Variants in TWIST2 observed in about 807,000 individuals in gnomAD.
TWIST2 encodes twist family bHLH transcription factor 2.
TWIST2 carries 1 observed loss-of-function variant against 11.6 expected under a neutral mutation model. The observed-to-expected ratio is 0.09, with a 90% confidence interval of 0.03 to 0.41. TWIST2 has a LOEUF of 0.41. Ranked by LOEUF, TWIST2 falls within the 10% of genes least tolerant of loss-of-function variation. The pLI is 0.98. For synonymous variants in TWIST2, 87 were observed against 96.6 expected (o/e 0.90, Z 0.58); for missense variants, 168 against 226.4 (o/e 0.74, Z 1.66).
At chr2:238,884,453 G>A (rs914633511) in intron 1 of TWIST2, among the ~76,000 whole-genome samples, 1 of 152,244 alleles carries the variant, frequency 6.6e-6, no homozygotes, top group Admixed American at 6.5e-5. Flanking sequence ...TCCGTGTAGG[G>A]CTTCTTCCCC....
At chr2:238,853,254 T>A (rs1692272337) in intron 1 of TWIST2, among the ~76,000 whole-genome samples, 1 of 152,186 alleles carries the variant, frequency 6.6e-6, no homozygotes. Flanking sequence ...TTAACTTTCA[T>A]TAAGCATACA....
chr2:238,881,580 TGTCA>T (rs1365734788), intron 1 of TWIST2, among the ~76,000 whole-genome samples: 1 of 152,132 alleles, frequency 6.6e-6, no homozygotes, highest in Non-Finnish European at 1.5e-5. Context: ...TTAGTATTAG[TGTCA>T]GTGTTAGTAT....
At chr2:238,883,349 A>T (rs1692972079) in intron 1 of TWIST2, among the ~76,000 whole-genome samples, 1 of 152,190 alleles carries the variant, frequency 6.6e-6, no homozygotes, top group African/African-American at 2.4e-5. Context: ...GGCTCCGTTC[A>T]CCACATTGCT....
intron 1 of TWIST2, among the ~76,000 whole-genome samples, chr2:238,860,216 C>T (rs1692407070): frequency 6.6e-6 from 1 of 152,210 alleles, no homozygotes; most frequent in African/African-American, 2.4e-5. Flanking sequence ...TTCGTGTGTG[C>T]AGGTGCTGCT....
At chr2:238,890,523 T>C (rs1468573471) in intron 1 of TWIST2, among the ~76,000 whole-genome samples, 1 of 152,320 alleles carries the variant, frequency 6.6e-6, no homozygotes, top group Middle Eastern at 3.4e-3. Flanking sequence ...TGACCAGAAA[T>C]GTGTGTGCAT....
intron 1 of TWIST2, among the ~76,000 whole-genome samples, chr2:238,888,921 A>G (rs34986438): frequency 0.052 from 7,976 of 152,294 alleles, 679 homozygotes; most frequent in African/African-American, 0.18. Flanking sequence ...TGACTGTCCA[A>G]TGACTGTCCA....
intron 1 of TWIST2, among the ~76,000 whole-genome samples, chr2:238,896,281 G>A (rs901313603): frequency 1.6e-4 from 25 of 152,214 alleles, no homozygotes; most frequent in Non-Finnish European, 1.3e-4. Context: ...TGCCATCAAA[G>A]CAGACAGGGA....
intron 1 of TWIST2, among the ~76,000 whole-genome samples, chr2:238,862,927 G>C (rs544437849): frequency 6.6e-6 from 1 of 152,138 alleles, no homozygotes; most frequent in Non-Finnish European, 1.5e-5. Flanking sequence ...ATCTCAGGTT[G>C]GAAGATCAAA....
chr2:238,903,339 T>TTGAGGTAG (rs1693301858), intron 1 of TWIST2, among the ~76,000 whole-genome samples: 2 of 137,948 alleles, frequency 1.4e-5, no homozygotes, highest in South Asian at 4.8e-4. Context: ...TGAGGTATGT[T>TTGAGGTAG]TGAGGTAGTG....
At chr2:238,854,923 A>G (rs1281087196) in intron 1 of TWIST2, among the ~76,000 whole-genome samples, 4 of 152,206 alleles carry the variant, frequency 2.6e-5, no homozygotes, top group Admixed American at 6.5e-5. Flanking sequence ...GAATCACGAG[A>G]TCTACAAGTA....
chr2:238,908,241 CCAAA>C (rs1235898237), intron 1 of TWIST2, among the ~76,000 whole-genome samples: 1 of 147,642 alleles, frequency 6.8e-6, no homozygotes, highest in Non-Finnish European at 1.5e-5. Flanking sequence ...ATACAATCCC[CCAAA>C]CACACACCAC....
intron 1 of TWIST2, among the ~76,000 whole-genome samples, chr2:238,862,555 A>G (rs36191119): frequency 0.29 from 43,506 of 152,148 alleles, 8,052 homozygotes; most frequent in African/African-American, 0.52. Context: ...TATAAACCCC[A>G]GTATTGAGGA....
At position 238,850,688 on chromosome 2, in the gene TWIST2, A is replaced by G. The variant is rs138872176; in HGVS notation, c.*35+1955A>G. 4.5e-3 allele frequency among the ~76,000 whole-genome samples: 686 copies of G among 152,368 alleles called. 7 individuals carry two copies. Among genetic ancestry groups the G allele is most frequent in the African/African-American group, 0.015 (642 of 41,582 alleles). On this transcript the variant is annotated intron_variant, in intron 1 of 1. Transcript: ENST00000612363. ...AAATAAAATGCAATACATGTAATAA[A>G]TAAATAAAAACAGTGCCAAGAGCTT... is the stretch of plus-strand genomic sequence containing the variant.
chr2:238,898,057 T>C (rs1295097194), intron 1 of TWIST2, among the ~76,000 whole-genome samples: 1 of 152,186 alleles, frequency 6.6e-6, no homozygotes, highest in African/African-American at 2.4e-5. Flanking sequence ...CCTGCCTGCC[T>C]GAGACTGTCT....
intron 1 of TWIST2, among the ~76,000 whole-genome samples, chr2:238,858,985 G>T (rs896444556): frequency 4.3e-4 from 66 of 152,334 alleles, no homozygotes; most frequent in Admixed American, 9.8e-4. Context: ...GCTGAGGCGG[G>T]TGGATCACCT....
At chr2:238,857,205 G>A (rs1427656887) in intron 1 of TWIST2, among the ~76,000 whole-genome samples, 1 of 152,142 alleles carries the variant, frequency 6.6e-6, no homozygotes, top group Non-Finnish European at 1.5e-5. Flanking sequence ...GGGAGCAAGA[G>A]GAAGGACGCT....
At chr2:238,888,697 A>G (rs1269332560) in intron 1 of TWIST2, among the ~76,000 whole-genome samples, 2 of 152,222 alleles carry the variant, frequency 1.3e-5, no homozygotes, top group Non-Finnish European at 2.9e-5. Flanking sequence ...TGTAGCAAGC[A>G]TTTGGAGACT....
At chr2:238,887,426 C>T (rs1342261476) in intron 1 of TWIST2, among the ~76,000 whole-genome samples, 2 of 152,218 alleles carry the variant, frequency 1.3e-5, no homozygotes, top group Admixed American at 6.5e-5. Flanking sequence ...GGAATCAAAT[C>T]CTGGCATTTG....
intron 1 of TWIST2, among the ~76,000 whole-genome samples, chr2:238,883,937 T>A (rs917625409): frequency 1.3e-5 from 2 of 152,172 alleles, no homozygotes; most frequent in African/African-American, 4.8e-5. Flanking sequence ...TGAGCCGCGC[T>A]GTGGTTTCCG....
Sources: allele counts gnomAD v4.1 joint callset (sites outside exome capture counted in the v4.1 genomes callset), GRCh38; gene constraint gnomAD v4.1.1; transcripts MANE v1.5; gene names NCBI Gene and HGNC (gene_info 2026-07-23, HGNC 2026-07-21).